Variants in EYA4 observed in about 807,000 individuals in gnomAD.
EYA4 encodes the protein protein phosphatase EYA4.
EYA4 carries 31 observed loss-of-function variants against 87.9 expected under a neutral mutation model. The observed-to-expected ratio is 0.35, with a 90% confidence interval of 0.27 to 0.48. The LOEUF is 0.48. Among genes scored for constraint, EYA4 ranks in the 20% least tolerant of loss-of-function variants. The probability of loss-of-function intolerance (pLI) is 0.99; values close to 1 mark genes in which losing one functional copy is unlikely to be tolerated. For missense variants in EYA4, 678 were observed against 761.4 expected, an observed-to-expected ratio of 0.89 and a Z score of 1.29; for synonymous variants, 263 against 270.6, an observed-to-expected ratio of 0.97 and a Z score of 0.28.
chr6:133,437,790 T>C (rs1461320805), intron 3 of EYA4, among the ~76,000 whole-genome samples: 1 of 152,178 alleles, frequency 6.6e-6, no homozygotes, highest in East Asian at 1.9e-4. Context: ...CCATCAGATC[T>C]TGTGAGAACT....
chr6:133,244,951 A>G (rs1275993235), intron 1 of EYA4: 1 of 152,146 alleles, frequency 6.6e-6, no homozygotes, highest in African/African-American at 2.4e-5. Flanking sequence ...CAAATAATCA[A>G]ACTTATTTTG....
chr6:133,483,698 G>GTTA (rs71545064), intron 13 of EYA4, among the ~76,000 whole-genome samples: 21,336 of 134,010 alleles, frequency 0.16, 1,822 homozygotes, highest in East Asian at 0.28. Flanking sequence ...TTATTTCATT[G>GTTA]TTATTATTAT....
intron 1 of EYA4, among the ~76,000 whole-genome samples, chr6:133,259,572 A>G (rs1317783791): frequency 5.9e-5 from 9 of 152,224 alleles, no homozygotes; most frequent in Admixed American, 5.2e-4. Context: ...ACTTTCCTGG[A>G]TGCCTCAATT....
intron 2 of EYA4, among the ~76,000 whole-genome samples, chr6:133,327,039 G>A (rs1781551737): frequency 6.6e-6 from 1 of 152,136 alleles, no homozygotes; most frequent in Admixed American, 6.5e-5. Context: ...ATTCTTTTCA[G>A]TGGAGTGGTA....
intron 2 of EYA4, among the ~76,000 whole-genome samples, chr6:133,379,282 T>C (rs1212316635): frequency 6.6e-6 from 1 of 152,116 alleles, no homozygotes; most frequent in Admixed American, 6.6e-5. Context: ...GAAGGTTCTA[T>C]ATGTTTTATA....
intron 7 of EYA4, chr6:133,462,042 A>G: frequency 2.4e-6 from 1 of 418,198 alleles, no homozygotes; most frequent in Non-Finnish European, 4.5e-6. Flanking sequence ...AGATATGAGC[A>G]AGAATTGTAG....
At chr6:133,367,255 T>C (rs1784921309) in intron 2 of EYA4, among the ~76,000 whole-genome samples, 1 of 152,182 alleles carries the variant, frequency 6.6e-6, no homozygotes, top group Non-Finnish European at 1.5e-5. Flanking sequence ...CCTACTTATG[T>C]GTACTCATGC....
At chr6:133,485,991 A>C (rs1485210169) in intron 13 of EYA4, among the ~76,000 whole-genome samples, 4 of 152,248 alleles carry the variant, frequency 2.6e-5, no homozygotes, top group Non-Finnish European at 4.4e-5. Flanking sequence ...TGCTTACAGC[A>C]TTCTGACTCT....
intron 1 of EYA4, among the ~76,000 whole-genome samples, chr6:133,267,173 AT>A (rs1776288506): frequency 6.6e-6 from 1 of 152,202 alleles, no homozygotes; most frequent in Non-Finnish European, 1.5e-5. Context: ...TCTGTATTAT[AT>A]TGGAGAAAAT....
At chr6:133,299,666 C>T (rs1352834098) in intron 2 of EYA4, among the ~76,000 whole-genome samples, 1 of 150,976 alleles carries the variant, frequency 6.6e-6, no homozygotes, top group Non-Finnish European at 1.5e-5. Flanking sequence ...GATCCGAGAT[C>T]GCGCCACTGC....
intron 11 of EYA4, among the ~76,000 whole-genome samples, chr6:133,469,722 T>A (rs1301649451): frequency 6.6e-6 from 1 of 151,912 alleles, no homozygotes; most frequent in Non-Finnish European, 1.5e-5. Context: ...TCTAAAAAGC[T>A]AAAACTATAA....
chr6:133,492,438 T>A (rs1488360110), intron 13 of EYA4, among the ~76,000 whole-genome samples: 1 of 152,046 alleles, frequency 6.6e-6, no homozygotes, highest in African/African-American at 2.4e-5. Flanking sequence ...AAAAACTGGG[T>A]ATGGAAGAAC....
intron 3 of EYA4, among the ~76,000 whole-genome samples, chr6:133,418,411 C>T (rs1789931078): frequency 6.6e-6 from 1 of 152,200 alleles, no homozygotes; most frequent in South Asian, 2.1e-4. Context: ...GTGCCTTACA[C>T]AGCACCTTGT....
At chr6:133,399,266 G>A (rs952150172) in intron 3 of EYA4, among the ~76,000 whole-genome samples, 3 of 152,134 alleles carry the variant, frequency 2.0e-5, no homozygotes, top group Non-Finnish European at 4.4e-5. Context: ...AAATATAAAT[G>A]ATTCCTAATG....
At chr6:133,415,570 A>G (rs1789644301) in intron 3 of EYA4, among the ~76,000 whole-genome samples, 1 of 152,128 alleles carries the variant, frequency 6.6e-6, no homozygotes, top group Non-Finnish European at 1.5e-5. Context: ...ACATGTGCCA[A>G]TTATATTTAA....
chr6:133,434,215 T>C lies in EYA4; in HGVS notation c.84-12415T>C, dbSNP rs148335134. Among the ~76,000 whole-genome samples, 69 of 152,288 alleles carry C rather than the reference T, an allele frequency of 4.5e-4. No homozygotes were observed. In the East Asian group the frequency reaches 0.013, roughly 28 times the overall value. On this transcript the variant is annotated intron_variant, in intron 3 of 19. Coordinates refer to ENST00000355286, the MANE Select transcript of EYA4 (RefSeq NM_004100.5). ...AGGTCATTGATGTGTGAAAGACTGTTATATGAAAGAAGGTTTAGACTTGAC... is the reference window on the plus strand; with the variant it reads ...AGGTCATTGATGTGTGAAAGACTGTCATATGAAAGAAGGTTTAGACTTGAC...
chr6:133,356,444 C>T (rs9493606), intron 2 of EYA4, among the ~76,000 whole-genome samples: 3 of 152,066 alleles, frequency 2.0e-5, no homozygotes, highest in Middle Eastern at 3.2e-3. Flanking sequence ...TAGGGAACTT[C>T]GTGCTTGACT....
chr6:133,370,058 T>C (rs1187682495), intron 2 of EYA4, among the ~76,000 whole-genome samples: 1 of 152,196 alleles, frequency 6.6e-6, no homozygotes, highest in Non-Finnish European at 1.5e-5. Flanking sequence ...ACTGCACTGC[T>C]CCTGGAGCCC....
chr6:133,483,075 A>G lies in EYA4; in HGVS notation c.1151A>G (p.His384Arg). Residue 384 changes from histidine (H) to arginine (R), a missense_variant, in exon 13 of 20, where the codon CAC (histidine) becomes CGC (arginine). By Grantham distance (29) the His-to-Arg change is conservative. Coordinates refer to ENST00000355286, the MANE Select transcript of EYA4 (RefSeq NM_004100.5). ...TTGGATGAAACCATCATTGTTTTTC[A>G]CTCACTGCTCACCGGGTCTTATGCA... The part of the protein sequence containing the change: ...WDLDETIIVF[H>R]SLLTGSYAQK... 1 of 1,613,330 alleles carries G rather than the reference A, an allele frequency of 6.2e-7. No homozygotes were observed. The highest frequency in any genetic ancestry group is 8.5e-7 in the Non-Finnish European group (1 of 1,179,584).
Sources: gnomAD v4.1 joint callset for allele counts (sites outside exome capture counted in the v4.1 genomes callset) on GRCh38, gnomAD v4.1.1 for gene constraint, MANE v1.5 for transcripts, NCBI Gene and HGNC (gene_info 2026-07-23, HGNC 2026-07-21) for gene names.